Variants in CACNA1E observed in about 807,000 individuals in gnomAD.
CACNA1E encodes the protein calcium voltage-gated channel subunit alpha1 E.
Under a neutral mutation model 259.2 loss-of-function variants are expected in CACNA1E, and 40 were observed. The observed-to-expected ratio is 0.15, with a 90% CI of 0.12 to 0.20. The LOEUF is 0.20. Among genes scored for constraint, CACNA1E ranks in the 10% least tolerant of loss-of-function variants. The pLI, the probability that CACNA1E is intolerant of heterozygous loss-of-function variation, is 1.00. For missense variants in CACNA1E, 1,874 were observed against 3,040.1 expected (o/e 0.62, Z 9.02); for synonymous variants, 1,104 against 1,138.5 (o/e 0.97, Z 0.61).
At chr1:181,768,065 CTTAT>C (rs1305428492) in intron 35 of CACNA1E, among the ~76,000 whole-genome samples, 2 of 152,146 alleles carry the variant, frequency 1.3e-5, no homozygotes, top group African/African-American at 4.8e-5. Context: ...ACATTTATAT[CTTAT>C]TTATGTTGGA....
chr1:181,622,232 T>C (rs577077215), intron 6 of CACNA1E, among the ~76,000 whole-genome samples: 1 of 152,318 alleles, frequency 6.6e-6, no homozygotes, highest in East Asian at 1.9e-4. Flanking sequence ...CTGCGAGTCT[T>C]CTGTAATTGC....
Position 181,732,399 on chromosome 1 carries a change from C to T in CACNA1E, c.2313C>T (p.Arg771=). The T allele has an allele frequency of 6.5e-7, 1 of 1,530,502 alleles. No individual in the cohort carries two copies. Among genetic ancestry groups the T allele is most frequent in the Non-Finnish European group, 8.8e-7 (1 of 1,137,220 alleles). The allele number at this position is 1,530,502 out of a possible 1,614,324, so 94.8% of individuals were successfully genotyped here. A position where few individuals can be genotyped will look rare whatever the true frequency, so the allele number is the denominator to read the frequency against. The stretch of plus-strand genomic sequence containing the variant: ...CCCTTGGCAGGAGGGAGCGGAGGCG[C>T]CGGCACCACATGTCCGTGTGGGAGC... The part of the protein sequence containing the change: ...PRSSHLRERR[R]RHHMSVWEQR... The change falls in exon 20 of 48, where the codon CGC becomes CGT. Residue 771 remains arginine (R), a synonymous_variant. Coordinates refer to ENST00000367573, the MANE Select transcript of CACNA1E (RefSeq NM_001205293.3). The surrounding 1 kb of genome is among the most constrained non-coding windows in gnomAD (Gnocchi z 5.5).
chr1:181,552,162 A>G (rs1364962173), intron 3 of CACNA1E, among the ~76,000 whole-genome samples: 1 of 152,206 alleles, frequency 6.6e-6, no homozygotes, highest in Non-Finnish European at 1.5e-5. Flanking sequence ...GGTCTGACCA[A>G]TGCAGAGGAC....
At chr1:181,795,954 T>C (rs1661770026) in intron 46 of CACNA1E, among the ~76,000 whole-genome samples, 1 of 151,912 alleles carries the variant, frequency 6.6e-6, no homozygotes, top group South Asian at 2.1e-4. Context: ...AGGTGTGTTA[T>C]TATTTAGTTC....
intron 7 of CACNA1E, among the ~76,000 whole-genome samples, chr1:181,672,987 G>T (rs1648961324): frequency 6.6e-6 from 1 of 152,282 alleles, no homozygotes; most frequent in Non-Finnish European, 1.5e-5. Context: ...ACGACCCCAA[G>T]AAAAGAATTG....
In CACNA1E at chr1:181,555,263, C is replaced by A. The variant is rs149566912; in HGVS notation, c.513-22503C>A. ...TAGACCCAGAAAGGGGTATACCTAC[C>A]AGCTCTTGCCCACTGAGTTGTGCTT... On this transcript the variant is annotated intron_variant, in intron 3 of 47. Transcript: ENST00000367573. Among the ~76,000 whole-genome samples the A allele has an allele frequency of 1.1e-3, 162 of 152,284 alleles. 2 individuals are homozygous for A. The highest frequency in any genetic ancestry group is 3.7e-3 in the African/African-American group (155 of 41,556).
At chr1:181,568,378 A>G (rs776997381) in intron 3 of CACNA1E, among the ~76,000 whole-genome samples, 24 of 152,144 alleles carry the variant, frequency 1.6e-4, no homozygotes, top group Non-Finnish European at 3.2e-4. Flanking sequence ...AGTTATGGCA[A>G]CTGGGGCTGG....
rs537688116 is a variant in CACNA1E, at chr1:181,497,213, A to G, written c.266+13203A>G. On this transcript the variant is annotated intron_variant, in intron 1 of 47. Coordinates refer to ENST00000367573, the MANE Select transcript of CACNA1E (RefSeq NM_001205293.3). ...TAAAGAGTAACAAATGCCCACTCAG[A>G]AAGACTGTACAGGCTGAGAAAGACT... Among the ~76,000 whole-genome samples, 5 of 152,288 alleles carry G rather than the reference A, an allele frequency of 3.3e-5. No homozygotes were observed. In the South Asian group the frequency reaches 8.3e-4, roughly 25 times the overall value.
At chr1:181,504,225 A>T (rs1665507001) in intron 1 of CACNA1E, among the ~76,000 whole-genome samples, 2 of 152,136 alleles carry the variant, frequency 1.3e-5, no homozygotes, top group South Asian at 4.1e-4. Flanking sequence ...GAGGGGTGGA[A>T]ATGGGTAAAG....
intron 2 of CACNA1E, among the ~76,000 whole-genome samples, chr1:181,427,421 C>T (rs1659371063): frequency 6.7e-6 from 1 of 148,448 alleles, no homozygotes; most frequent in African/African-American, 2.5e-5. Flanking sequence ...CCCCCTCCAC[C>T]TCAACTTCTC....
At chr1:181,482,451 C>G (rs1322697656), upstream of CACNA1E, among the ~76,000 whole-genome samples, 1 of 152,266 alleles carries the variant, frequency 6.6e-6, no homozygotes, top group Admixed American at 6.5e-5. Flanking sequence ...AAAGGGGACT[C>G]TTCACTGGAC....
chr1:181,635,440 C>T (rs977444989), intron 6 of CACNA1E, among the ~76,000 whole-genome samples: 1 of 152,188 alleles, frequency 6.6e-6, no homozygotes, highest in Non-Finnish European at 1.5e-5. Flanking sequence ...TTTCCTCCTC[C>T]CCACTCAACC....
At chr1:181,601,161 C>T (rs929597822) in intron 6 of CACNA1E, among the ~76,000 whole-genome samples, 3 of 152,234 alleles carry the variant, frequency 2.0e-5, no homozygotes, top group African/African-American at 4.8e-5. Flanking sequence ...GGTAGAGATT[C>T]GGGTGTGGAG....
At chr1:181,498,200 C>T (rs907398844) in intron 1 of CACNA1E, among the ~76,000 whole-genome samples, 17 of 152,116 alleles carry the variant, frequency 1.1e-4, no homozygotes, top group Admixed American at 1.1e-3. Context: ...ATACTGAATG[C>T]AGCTTTTTAA....
intron 1 of CACNA1E, among the ~76,000 whole-genome samples, chr1:181,408,948 C>A (rs1043349698): frequency 2.6e-5 from 4 of 152,134 alleles, no homozygotes; most frequent in African/African-American, 9.7e-5. Context: ...CTGGGTCCAC[C>A]CCTCATTCTC....
chr1:181,576,028 C>T (rs184862732), intron 3 of CACNA1E, among the ~76,000 whole-genome samples: 95 of 152,150 alleles, frequency 6.2e-4, no homozygotes, highest in Non-Finnish European at 5.9e-5. Context: ...AATGTCTTTC[C>T]TTGGCCTTGG....
Position 181,790,456 on chromosome 1 carries a change from G to T in CACNA1E, c.5798G>T (p.Ser1933Ile). Residue 1933 changes from serine to isoleucine, a missense_variant, in exon 44 of 48, where the codon AGT (serine) becomes ATT (isoleucine). Around this residue, in one of 14 missense-constraint regions of CACNA1E, gnomAD observed 542 missense variants for 587.2 expected, o/e 0.92. Transcript: ENST00000367573. ...QDPVSGLSGR[S>I]GYPSMSPLSP... ...ACATTGCTTTTCAGGAGTGGCCGGAGTGGATACCCTTCGATGAGTCCACTC... is the reference window on the plus strand; with the variant it reads ...ACATTGCTTTTCAGGAGTGGCCGGATTGGATACCCTTCGATGAGTCCACTC... 6.2e-7 allele frequency: 1 copy of T among 1,611,458 alleles called. No individual in the cohort carries two copies. Among genetic ancestry groups the T allele is most frequent in the Middle Eastern group, 1.7e-4 (1 of 6,058 alleles).
chr1:181,369,865 T>G (rs765267511), intron 1 of CACNA1E, among the ~76,000 whole-genome samples: 34 of 152,172 alleles, frequency 2.2e-4, no homozygotes, highest in Non-Finnish European at 3.5e-4. Flanking sequence ...AAATTGTGTG[T>G]CATGGGGGTT....
At chr1:181,468,523 A>T (rs990281316) in intron 2 of CACNA1E, among the ~76,000 whole-genome samples, 1 of 152,214 alleles carries the variant, frequency 6.6e-6, no homozygotes, top group Non-Finnish European at 1.5e-5. Context: ...ATAAACATGT[A>T]TTCAGAGTCC....
Sources: gnomAD v4.1 joint callset for allele counts (sites outside exome capture counted in the v4.1 genomes callset) on GRCh38, gnomAD v4.1.1 for gene constraint, gnomAD v4.1.1 regional missense constraint, Gnocchi (gnomAD v3.1) non-coding constraint, MANE v1.5 for transcripts, NCBI Gene and HGNC (gene_info 2026-07-23, HGNC 2026-07-21) for gene names.